The following RALGAPA1 variants were observed in gnomAD, a reference collection of about 807,000 sequenced individuals.
The protein encoded by RALGAPA1 is Ral GTPase activating protein catalytic subunit alpha 1, also known as ral GTPase-activating protein subunit alpha-1.
RALGAPA1 carries 52 observed loss-of-function variants against 269.6 expected under a neutral mutation model. That is an observed-to-expected ratio of 0.19 (90% CI 0.15 to 0.24). The LOEUF (loss-of-function observed/expected upper bound fraction) is 0.24. Among genes scored for constraint, RALGAPA1 ranks in the 10% least tolerant of loss-of-function variants. The pLI, the probability that RALGAPA1 is intolerant of heterozygous loss-of-function variation, is 1.00. For missense variants in RALGAPA1, 1,917 were observed against 3,013.9 expected (o/e 0.64, Z 8.52); for synonymous variants, 817 against 1,008.3 (o/e 0.81, Z 3.60).
At chr14:35,565,866 A>G (rs1001601558) in intron 39 of RALGAPA1, among the ~76,000 whole-genome samples, 1 of 152,174 alleles carries the variant, frequency 6.6e-6, no homozygotes, top group Non-Finnish European at 1.5e-5. Context: ...TTGCTTTAAA[A>G]TTTTTATTTA....
At chr14:35,737,627 C>T (rs1428329981) in intron 12 of RALGAPA1, among the ~76,000 whole-genome samples, 1 of 151,078 alleles carries the variant, frequency 6.6e-6, no homozygotes, top group African/African-American at 2.4e-5. Context: ...GGCGTGGTGG[C>T]GGGCACCTGT....
At chr14:35,763,750 T>C (rs149125440) in intron 4 of RALGAPA1, among the ~76,000 whole-genome samples, 155 of 151,540 alleles carry the variant, frequency 1.0e-3, no homozygotes, top group African/African-American at 3.7e-3. Context: ...TGATTCCCTG[T>C]ACACACCTGA....
rs531247133 is a variant in RALGAPA1 at position 35,662,805 on chromosome 14, C to CA, written c.5328+1836dup. ...CAGAACAGTAAAAAACAAAACAAAA[C>CA]AAAAAAAGCCATAGCTATTACATCT... On this transcript the variant is annotated intron_variant, in intron 27 of 41. Coordinates refer to ENST00000680220, the MANE Select transcript of RALGAPA1 (RefSeq NM_001346249.2). Among the ~76,000 whole-genome samples the CA allele has an allele frequency of 1.4e-4, 21 of 151,964 alleles. No individual in the cohort carries two copies. The East Asian group carries it at 2.7e-3, about 20-fold the overall frequency.
rs201977932 is a variant in RALGAPA1, at chr14:35,539,570, C to G, written c.*144G>C. The stretch of plus-strand genomic sequence containing the variant: ...GGATTTATTGGCTGAGCCAGAGGAA[C>G]GACGCAGCTTCATGGACATGCGGCT... On this transcript the variant is annotated 3_prime_UTR_variant, in exon 42 of 42. Coordinates refer to ENST00000680220, the MANE Select transcript of RALGAPA1 (RefSeq NM_001346249.2). 6.2e-7 allele frequency: 1 copy of G among 1,612,930 alleles called. No homozygotes were observed. Among genetic ancestry groups the G allele is most frequent in the South Asian group, 1.1e-5 (1 of 91,002 alleles).
At chr14:35,776,882 T>A (rs1049260826) in intron 1 of RALGAPA1, among the ~76,000 whole-genome samples, 11 of 152,112 alleles carry the variant, frequency 7.2e-5, no homozygotes, top group African/African-American at 9.7e-5. Context: ...AAATTTTTTT[T>A]AAATTTACTA....
chr14:35,643,573 TAC>T (rs1364144158), intron 31 of RALGAPA1, among the ~76,000 whole-genome samples: 1 of 152,228 alleles, frequency 6.6e-6, no homozygotes, highest in Non-Finnish European at 1.5e-5. Flanking sequence ...ATCTAAGAGA[TAC>T]CTACATTCCC....
chr14:35,670,182 T>G (rs897182716), intron 26 of RALGAPA1, among the ~76,000 whole-genome samples: 3 of 152,202 alleles, frequency 2.0e-5, no homozygotes, highest in African/African-American at 7.2e-5. Flanking sequence ...TCTTCTGACA[T>G]CTTCCTCATG....
intron 36 of RALGAPA1, 80 bp from the exon 37 acceptor site, chr14:35,595,869 A>G: frequency 8.3e-7 from 1 of 1,205,370 alleles, no homozygotes; most frequent in African/African-American, 1.5e-5. Flanking sequence ...CTTCTTGCTT[A>G]AGAAAAAAAT....
intron 13 of RALGAPA1, among the ~76,000 whole-genome samples, 190 bp downstream of exon 13, chr14:35,728,172 A>G (rs2070141935): frequency 6.6e-6 from 1 of 152,218 alleles, no homozygotes. Flanking sequence ...GGTCTTGCGG[A>G]AGTCCGAACA....
At chr14:35,632,343 G>A (rs575524768) in intron 33 of RALGAPA1, among the ~76,000 whole-genome samples, 1 of 152,238 alleles carries the variant, frequency 6.6e-6, no homozygotes, top group Non-Finnish European at 1.5e-5. Flanking sequence ...CTAAGGCTTT[G>A]TGTAACTAGC....
intron 37 of RALGAPA1, among the ~76,000 whole-genome samples, chr14:35,578,354 G>A (rs139870101): frequency 3.9e-4 from 59 of 152,236 alleles, no homozygotes; most frequent in African/African-American, 1.4e-3. Flanking sequence ...CAGGAGATAG[G>A]GGTATACGTG....
chr14:35,709,413 C>T (rs2068097536), intron 16 of RALGAPA1, among the ~76,000 whole-genome samples: 1 of 150,340 alleles, frequency 6.7e-6, no homozygotes, highest in Non-Finnish European at 1.5e-5. Context: ...GGTAATGGTT[C>T]TTCTTTCATT....
intron 1 of RALGAPA1, among the ~76,000 whole-genome samples, chr14:35,792,456 A>G (rs9707441): frequency 0.041 from 6,169 of 151,950 alleles, 362 homozygotes; most frequent in African/African-American, 0.12. Context: ...CATGCCAGCT[A>G]GTGACAAGCT....
At chr14:35,623,597 A>G (rs574441443) in intron 35 of RALGAPA1, among the ~76,000 whole-genome samples, 19 of 152,338 alleles carry the variant, frequency 1.2e-4, no homozygotes, top group East Asian at 3.9e-4. Context: ...TTGAAGTTAT[A>G]TAGGTGTTGT....
At chr14:35,786,620 C>CA (rs951552353) in intron 1 of RALGAPA1, among the ~76,000 whole-genome samples, 32 of 149,092 alleles carry the variant, frequency 2.1e-4, no homozygotes, top group African/African-American at 3.2e-4. Flanking sequence ...CACTCCGTCT[C>CA]AAAAAAAAAC....
chr14:35,569,323 AT>A (rs1480534068), intron 39 of RALGAPA1, among the ~76,000 whole-genome samples: 1 of 152,220 alleles, frequency 6.6e-6, no homozygotes, highest in Non-Finnish European at 1.5e-5. Context: ...ATATAGAAAA[AT>A]TATATGAAAA....
chr14:35,581,368 G>A (rs1030596976), intron 37 of RALGAPA1, among the ~76,000 whole-genome samples: 1 of 152,086 alleles, frequency 6.6e-6, no homozygotes, highest in African/African-American at 2.4e-5. Flanking sequence ...CGAAAAGAAA[G>A]TTTAAGCTAA....
rs1218124929 is a variant in RALGAPA1, at chr14:35,689,831, T to C, written c.2580A>G (p.Ala860=). ...EPFTVERAKG[A]VPVIDSSSRH... is the part of the protein sequence containing the mutation. ...GGGATGAACTGTCAATGACAGGAAC[T>C]GCACCTTTGGCTCGTTCAACAGTGA... The change falls in exon 18 of 42, where the codon GCA becomes GCG. Residue 860 remains alanine (A), a synonymous_variant. Coordinates refer to ENST00000680220, the MANE Select transcript of RALGAPA1 (RefSeq NM_001346249.2). 1.9e-6 allele frequency: 3 copies of C among 1,592,042 alleles called. No individual in the cohort carries two copies. Among genetic ancestry groups the C allele is most frequent in the Non-Finnish European group, 2.6e-6 (3 of 1,172,634 alleles).
intron 29 of RALGAPA1, 68 bp from the exon 30 acceptor site, chr14:35,654,545 A>C (rs1045414341): frequency 5.4e-6 from 8 of 1,492,596 alleles, no homozygotes; most frequent in Non-Finnish European, 6.2e-6. Context: ...TTATCTGCTG[A>C]AAATTTTTAC....
Sources: gnomAD v4.1 joint callset for allele counts (sites outside exome capture counted in the v4.1 genomes callset) on GRCh38, gnomAD v4.1.1 for gene constraint, MANE v1.5 for transcripts, NCBI Gene and HGNC (gene_info 2026-07-23, HGNC 2026-07-21) for gene names.